PTPRA: variants seen among roughly 807,000 people sequenced by gnomAD.
PTPRA encodes receptor-type tyrosine-protein phosphatase alpha.
A neutral mutation model predicts 104.8 loss-of-function variants in PTPRA; 25 were observed. The ratio of observed to expected loss-of-function variants is 0.24; its 90% CI spans 0.17 to 0.33. The LOEUF is 0.33. Ranked by LOEUF, PTPRA falls within the 10% of genes least tolerant of loss-of-function variation. The pLI, the probability that PTPRA is intolerant of heterozygous loss-of-function variation, is 1.00. For synonymous variants in PTPRA, 323 were observed against 368.9 expected, an observed-to-expected ratio of 0.88 and a Z score of 1.43; for missense variants, 765 against 1,015.3, an observed-to-expected ratio of 0.75 and a Z score of 3.35.
chr20:2,887,779 G>C (rs534777728), intron 1 of PTPRA, among the ~76,000 whole-genome samples: 3 of 152,214 alleles, frequency 2.0e-5, no homozygotes, highest in Non-Finnish European at 4.4e-5. Context: ...ACTGTTACCA[G>C]AGCAGTGTGG....
At chr20:2,958,189 C>T (rs1378492269) in intron 3 of PTPRA, among the ~76,000 whole-genome samples, 1 of 151,920 alleles carries the variant, frequency 6.6e-6, no homozygotes, top group East Asian at 1.9e-4. Flanking sequence ...GGTCAGAGAG[C>T]AGGTGTGGTA....
At chr20:2,924,203 A>G (rs573706723) in intron 2 of PTPRA, among the ~76,000 whole-genome samples, 1 of 152,148 alleles carries the variant, frequency 6.6e-6, no homozygotes, top group Non-Finnish European at 1.5e-5. Flanking sequence ...AGATCAGTTG[A>G]CCAGCCTGGT....
In PTPRA at chr20:2,887,124, G is replaced by T. The variant is rs1014190669; in HGVS notation, c.-129+13364G>T. ...AAATTGCTCTATAATATATTAAAATGAGATTTTTCAAACATAATGAGAAAT... is the reference window on the plus strand; with the variant it reads ...AAATTGCTCTATAATATATTAAAATTAGATTTTTCAAACATAATGAGAAAT... On this transcript the variant is annotated intron_variant, in intron 1 of 23. Transcript: ENST00000399903. 3.9e-5 allele frequency among the ~76,000 whole-genome samples: 6 copies of T among 152,130 alleles called. No homozygotes were observed. The East Asian group carries it at 7.7e-4, about 20-fold the overall frequency.
intron 11 of PTPRA, among the ~76,000 whole-genome samples, chr20:3,008,171 C>G (rs902518368): frequency 6.6e-6 from 1 of 152,172 alleles, no homozygotes; most frequent in African/African-American, 2.4e-5. Flanking sequence ...TTTCCACTTG[C>G]ATGTTTATAG....
At chr20:2,899,387 C>T (rs781124165) in intron 1 of PTPRA, among the ~76,000 whole-genome samples, 11 of 152,162 alleles carry the variant, frequency 7.2e-5, no homozygotes, top group Non-Finnish European at 1.3e-4. Context: ...TATGCAGGAC[C>T]ACATGGGGAA....
Position 3,013,152 on chromosome 20 carries a change from C to T in PTPRA, c.907-2697C>T, listed in dbSNP as rs78587065. ...TAAATACAATTAATCTCCATTCTCA[C>T]CCCCCGGCCATCACTTAACTTTTTG... On this transcript the variant is annotated intron_variant, in intron 11 of 23. Transcript: ENST00000399903. Among the ~76,000 whole-genome samples, 608 of 146,782 alleles carry T rather than the reference C, an allele frequency of 4.1e-3. 8 individuals are homozygous for T. Among genetic ancestry groups the T allele is most frequent in the African/African-American group, 0.016 (592 of 36,912 alleles).
At chr20:2,995,765 T>G (rs990046763) in intron 9 of PTPRA, among the ~76,000 whole-genome samples, 5 of 152,150 alleles carry the variant, frequency 3.3e-5, no homozygotes, top group African/African-American at 1.2e-4. Flanking sequence ...AGTCTTGGGT[T>G]TTCATTTCAA....
chr20:3,035,759 C>T lies in PTPRA; in HGVS notation c.2047-31C>T. 2 of 1,614,182 alleles carry T rather than the reference C, an allele frequency of 1.2e-6. No homozygotes were observed. The highest frequency in any genetic ancestry group is 1.7e-6 in the Non-Finnish European group (2 of 1,180,012). ...CTGCCCACAGGAAAAGCAGGGTTAC[C>T]CCTGCCTCCCTGATCCCCTTTTTTC... is the stretch of plus-strand genomic sequence containing the variant. On this transcript the variant is annotated intron_variant, in intron 21 of 23. Transcript: ENST00000399903. This position sits in a 1 kb window ranked among gnomAD's most constrained non-coding sequence, Gnocchi z 5.8.
chr20:3,013,815 G>A (rs1227658244), intron 11 of PTPRA, among the ~76,000 whole-genome samples: 3 of 152,188 alleles, frequency 2.0e-5, no homozygotes, highest in Admixed American at 6.5e-5. Context: ...GACATCTCAG[G>A]AGCCAGGGAG....
chr20:2,901,262 C>T (rs2059225564), intron 1 of PTPRA, among the ~76,000 whole-genome samples: 1 of 151,538 alleles, frequency 6.6e-6, no homozygotes, highest in African/African-American at 2.4e-5. Flanking sequence ...AGCCACCGCA[C>T]CCAGCCTTTT....
At chr20:2,944,356 G>A (rs1005767017) in intron 2 of PTPRA, among the ~76,000 whole-genome samples, 1 of 151,998 alleles carries the variant, frequency 6.6e-6, no homozygotes, top group African/African-American at 2.4e-5. Flanking sequence ...TGCTGGTCTT[G>A]ATTGAAGTCA....
intron 14 of PTPRA, 78 bp from the exon 15 acceptor site, chr20:3,021,976 C>A: frequency 6.5e-7 from 1 of 1,536,568 alleles, no homozygotes; most frequent in Non-Finnish European, 8.9e-7. Flanking sequence ...CTGACAACCA[C>A]AGCTGTCACC....
chr20:3,036,692 A>AT (rs1179305223), intron 22 of PTPRA, among the ~76,000 whole-genome samples: 1 of 152,242 alleles, frequency 6.6e-6, no homozygotes, highest in Non-Finnish European at 1.5e-5. Context: ...ATGACATTGA[A>AT]TAGGGGGATA....
intron 1 of PTPRA, among the ~76,000 whole-genome samples, chr20:2,902,720 A>G (rs2059283127): frequency 6.6e-6 from 1 of 152,182 alleles, no homozygotes; most frequent in African/African-American, 2.4e-5. Flanking sequence ...CTTTTTTAGA[A>G]TATTGAAGAT....
intron 17 of PTPRA, among the ~76,000 whole-genome samples, chr20:3,026,138 A>G (rs1265027244): frequency 6.6e-6 from 1 of 151,780 alleles, no homozygotes; most frequent in Non-Finnish European, 1.5e-5. Context: ...GGGTTTCACC[A>G]TGTTGGCCAT....
intron 11 of PTPRA, among the ~76,000 whole-genome samples, chr20:3,008,538 A>G (rs1340945265): frequency 6.6e-6 from 1 of 152,066 alleles, no homozygotes; most frequent in African/African-American, 2.4e-5. Context: ...CTGTAGACGG[A>G]TGGTGGTGAT....
chr20:2,903,820 A>G (rs2059318902), intron 1 of PTPRA, among the ~76,000 whole-genome samples: 1 of 152,110 alleles, frequency 6.6e-6, no homozygotes. Flanking sequence ...TTTATAAGAG[A>G]TGGCAGATTT....
At chr20:3,036,082 A>G in intron 22 of PTPRA, 141 bp downstream of exon 22, 1 of 1,438,628 alleles carries the variant, frequency 7.0e-7, no homozygotes, top group Non-Finnish European at 9.2e-7. Flanking sequence ...ATTGATGCCA[A>G]GACAGGATTG....
chr20:3,022,370 C>A lies in PTPRA; in HGVS notation c.1328+150C>A. 9.3e-7 allele frequency: 1 copy of A among 1,075,026 alleles called. No individual in the cohort carries two copies. The highest frequency in any genetic ancestry group is 1.3e-6 in the Non-Finnish European group (1 of 749,058). 66.6% of individuals were successfully genotyped at this position (1,075,026 alleles called of 1,614,324 possible). A position where few individuals can be genotyped will look rare whatever the true frequency, so the allele number is the denominator to read the frequency against. On this transcript the variant is annotated intron_variant, in intron 15 of 23. Coordinates refer to ENST00000399903, the MANE Select transcript of PTPRA (RefSeq NM_001385305.1). This position sits in a 1 kb window ranked among gnomAD's most constrained non-coding sequence, Gnocchi z 4.6. ...GCGCAACAGCCAGAGACTCCAAGTT[C>A]TAGTGCAGGGTGGAGAATATGACTT...
Sources: allele counts gnomAD v4.1 joint callset (sites outside exome capture counted in the v4.1 genomes callset), GRCh38; gene constraint gnomAD v4.1.1; non-coding constraint Gnocchi (gnomAD v3.1); transcripts MANE v1.5; gene names NCBI Gene and HGNC (gene_info 2026-07-23, HGNC 2026-07-21).